CCBE1: variants seen among roughly 807,000 people sequenced by gnomAD.
The protein encoded by CCBE1 is collagen and calcium binding EGF domains 1.
A neutral mutation model predicts 50.0 loss-of-function variants in CCBE1; 37 were observed. That is an observed-to-expected ratio of 0.74 (90% CI 0.57 to 0.97). The LOEUF is 0.97. Ranked by LOEUF, CCBE1 falls within the 50% of genes least tolerant of loss-of-function variation. The probability of loss-of-function intolerance (pLI) is 0.00; values close to 1 mark genes in which losing one functional copy is unlikely to be tolerated. For missense variants in CCBE1, 538 were observed against 523.8 expected, an observed-to-expected ratio of 1.03 and a Z score of -0.26; for synonymous variants, 234 against 203.7, an observed-to-expected ratio of 1.15 and a Z score of -1.27.
At chr18:59,526,031 A>G (rs1390758857) in intron 2 of CCBE1, among the ~76,000 whole-genome samples, 1 of 152,128 alleles carries the variant, frequency 6.6e-6, no homozygotes, top group Non-Finnish European at 1.5e-5. Flanking sequence ...TGATGCCTCC[A>G]AGCTTTGTTC....
chr18:59,504,944 C>CA (rs1016045758), intron 2 of CCBE1, among the ~76,000 whole-genome samples: 2 of 151,892 alleles, frequency 1.3e-5, no homozygotes, highest in African/African-American at 4.8e-5. Flanking sequence ...CCATGGGAGG[C>CA]AAAAAAACCC....
intron 2 of CCBE1, among the ~76,000 whole-genome samples, chr18:59,490,890 A>G (rs1332540449): frequency 6.6e-6 from 1 of 152,238 alleles, no homozygotes; most frequent in African/African-American, 2.4e-5. Flanking sequence ...TTAAACCAAC[A>G]AATCTCTGCT....
At chr18:59,556,136 G>T (rs533794461) in intron 2 of CCBE1, among the ~76,000 whole-genome samples, 1 of 152,292 alleles carries the variant, frequency 6.6e-6, no homozygotes, top group Non-Finnish European at 1.5e-5. Flanking sequence ...CCTCCAGCTT[G>T]GTTCCTGCCG....
intron 2 of CCBE1, among the ~76,000 whole-genome samples, chr18:59,664,660 A>T (rs2054328674): frequency 6.6e-6 from 1 of 152,078 alleles, no homozygotes; most frequent in African/African-American, 2.4e-5. Flanking sequence ...GGAACTGCTG[A>T]CCCTCTACCG....
chr18:59,543,435 GA>G (rs1319217572), intron 2 of CCBE1, among the ~76,000 whole-genome samples: 11 of 152,174 alleles, frequency 7.2e-5, no homozygotes, highest in Non-Finnish European at 1.3e-4. Context: ...AAAAGAGTCT[GA>G]TTATGTACAT....
chr18:59,434,221 A>C lies in CCBE1; in HGVS notation c.*1687T>G, dbSNP rs183874068. The stretch of plus-strand genomic sequence containing the variant: ...TTTTCTTTAAGCAAGCTTTCACAGT[A>C]GTGGAGTTAAATGATGTGGGCTAAA... On this transcript the variant is annotated 3_prime_UTR_variant, in exon 11 of 11. Transcript: ENST00000439986. 4 of 152,308 alleles carry C rather than the reference A, an allele frequency of 2.6e-5. No homozygotes were observed. Among genetic ancestry groups the C allele is most frequent in the Admixed American group, 6.5e-5 (1 of 15,298 alleles). The allele number at this position is 152,308 out of a possible 1,614,324, so 9.4% of individuals were successfully genotyped here.
intron 2 of CCBE1, among the ~76,000 whole-genome samples, chr18:59,588,208 A>G (rs1295456547): frequency 1.3e-5 from 2 of 152,198 alleles, no homozygotes; most frequent in African/African-American, 4.8e-5. Context: ...CATTAATCTG[A>G]GTGTACAGCC....
chr18:59,674,549 C>T (rs573079389), intron 2 of CCBE1, among the ~76,000 whole-genome samples: 43 of 152,106 alleles, frequency 2.8e-4, no homozygotes, highest in Non-Finnish European at 4.3e-4. Flanking sequence ...AGCAAACCAC[C>T]ATGGCACGTA....
intron 2 of CCBE1, among the ~76,000 whole-genome samples, chr18:59,509,789 A>G (rs1169990552): frequency 6.6e-6 from 1 of 150,706 alleles, no homozygotes; most frequent in East Asian, 2.0e-4. Context: ...TCTAAAAAGT[A>G]TTTTTAGATC....
At position 59,655,065 on chromosome 18, in the gene CCBE1, C is replaced by T. The variant is rs151008563; in HGVS notation, c.212+41564G>A. Among the ~76,000 whole-genome samples, 457 of 130,158 alleles carry T rather than the reference C, an allele frequency of 3.5e-3. 5 individuals are homozygous for T. The highest frequency in any genetic ancestry group is 0.013 in the African/African-American group (437 of 34,508). 85.4% of individuals were successfully genotyped at this position (130,158 alleles called of 152,430 possible). On this transcript the variant is annotated intron_variant, in intron 2 of 10. Coordinates refer to ENST00000439986, the MANE Select transcript of CCBE1 (RefSeq NM_133459.4). Reference sequence around the variant, plus strand: ...TCGCACCACTGCATTGCAGCCTGGGCGACACCACTGAGACTATGTCAAAAA... The same window carrying T: ...TCGCACCACTGCATTGCAGCCTGGGTGACACCACTGAGACTATGTCAAAAA...
At chr18:59,488,688 G>A (rs1429063447) in intron 2 of CCBE1, among the ~76,000 whole-genome samples, 2 of 152,182 alleles carry the variant, frequency 1.3e-5, no homozygotes, top group Non-Finnish European at 2.9e-5. Context: ...TCAGTCCTTA[G>A]ATAACTGACA....
intron 2 of CCBE1, among the ~76,000 whole-genome samples, chr18:59,500,126 A>C (rs1913548143): frequency 6.6e-6 from 1 of 152,178 alleles, no homozygotes; most frequent in African/African-American, 2.4e-5. Context: ...AGGACCTCTT[A>C]GGCCACCCGC....
At chr18:59,470,022 T>C (rs969802378) in intron 3 of CCBE1, among the ~76,000 whole-genome samples, 1 of 152,030 alleles carries the variant, frequency 6.6e-6, no homozygotes, top group Non-Finnish European at 1.5e-5. Context: ...ACTGGTGTCA[T>C]CATGTGGGAG....
intron 2 of CCBE1, among the ~76,000 whole-genome samples, chr18:59,506,781 C>A (rs767084560): frequency 1.3e-5 from 2 of 152,184 alleles, no homozygotes; most frequent in Non-Finnish European, 2.9e-5. Flanking sequence ...GTGTTTCTAT[C>A]TGGATGGAGC....
At chr18:59,442,177 C>T (rs530212051) in intron 7 of CCBE1, among the ~76,000 whole-genome samples, 32 of 152,182 alleles carry the variant, frequency 2.1e-4, no homozygotes, top group Non-Finnish European at 4.1e-4. Context: ...TATCATCAGA[C>T]AGGCACAAAA....
At chr18:59,474,438 C>G (rs1912214354) in intron 3 of CCBE1, among the ~76,000 whole-genome samples, 1 of 152,192 alleles carries the variant, frequency 6.6e-6, no homozygotes, top group African/African-American at 2.4e-5. Context: ...TTCTTAAGAC[C>G]TTTTCCTTGG....
chr18:59,468,563 T>G (rs1911865397), intron 4 of CCBE1, among the ~76,000 whole-genome samples: 1 of 152,050 alleles, frequency 6.6e-6, no homozygotes, highest in African/African-American at 2.4e-5. Flanking sequence ...GGGGCACCAT[T>G]CCCAAATGCC....
intron 5 of CCBE1, among the ~76,000 whole-genome samples, chr18:59,461,729 CTTTTTTTTTTTT>C (rs36013463): frequency 1.8e-5 from 2 of 109,324 alleles, no homozygotes; most frequent in South Asian, 3.1e-4. Flanking sequence ...CAGGTGTAAT[CTTTTTTTTTTTT>C]TTTTTTTTTG....
At chr18:59,685,567 T>G (rs1487646232) in intron 2 of CCBE1, among the ~76,000 whole-genome samples, 1 of 152,230 alleles carries the variant, frequency 6.6e-6, no homozygotes, top group Non-Finnish European at 1.5e-5. Flanking sequence ...GTCAGAGGTT[T>G]TCAGCATACT....
Sources: allele counts gnomAD v4.1 joint callset (sites outside exome capture counted in the v4.1 genomes callset), GRCh38; gene constraint gnomAD v4.1.1; transcripts MANE v1.5; gene names NCBI Gene and HGNC (gene_info 2026-07-23, HGNC 2026-07-21).